FAM171B: variants seen among roughly 807,000 people sequenced by gnomAD.
FAM171B encodes family with sequence similarity 171 member B, also known as protein FAM171B.
A neutral mutation model predicts 75.6 loss-of-function variants in FAM171B; 19 were observed. The observed-to-expected ratio is 0.25, with a 90% CI of 0.18 to 0.37. The LOEUF (loss-of-function observed/expected upper bound fraction) is 0.37, where lower values mean the gene tolerates loss of function less well. Ranked by LOEUF, FAM171B falls within the 10% of genes least tolerant of loss-of-function variation. The probability of loss-of-function intolerance (pLI) is 1.00; values close to 1 mark genes in which losing one functional copy is unlikely to be tolerated. For missense variants in FAM171B, 848 were observed against 982.4 expected, an observed-to-expected ratio of 0.86 and a Z score of 1.83; for synonymous variants, 367 against 361.7, an observed-to-expected ratio of 1.01 and a Z score of -0.17.
chr2:186,762,765 A>G lies in FAM171B; in HGVS notation c.2423A>G (p.Asp808Gly). Residue 808 changes from aspartate (D) to glycine (G), a missense_variant, in exon 8 of 8, where the codon GAT (aspartate) becomes GGT (glycine). Around this residue, in one of 3 missense-constraint regions of FAM171B, gnomAD observed 136 missense variants for 159.3 expected, o/e 0.85. Transcript: ENST00000304698. This position sits in a 1 kb window ranked among gnomAD's most constrained non-coding sequence, Gnocchi z 4.0. ...RRGRPPLAKR[D>G]SKTNIWKKRE... ...GGCAGACCACCACTAGCCAAAAGAG[A>G]TAGCAAGACTAACATCTGGAAGAAG... The G allele has an allele frequency of 6.2e-7, 1 of 1,613,328 alleles. No individual in the cohort carries two copies. The highest frequency in any genetic ancestry group is 8.5e-7 in the Non-Finnish European group (1 of 1,179,554).
chr2:186,763,797 A>ATTTG lies in FAM171B; in HGVS notation c.*978_*981dup, dbSNP rs1395454123. The ATTTG allele has an allele frequency of 6.6e-6, 1 of 152,060 alleles. No homozygotes were observed. The highest frequency in any genetic ancestry group is 1.5e-5 in the Non-Finnish European group (1 of 67,966). The allele number at this position is 152,060 out of a possible 1,614,324, so 9.4% of individuals were successfully genotyped here. A position where few individuals can be genotyped will look rare whatever the true frequency, so the allele number is the denominator to read the frequency against. The stretch of plus-strand genomic sequence containing the variant: ...ATATGTGCAGATAAAATATACATTG[A>ATTTG]TTTGTTTTTCTTAAATGTTGATGAG... On this transcript the variant is annotated 3_prime_UTR_variant, in exon 8 of 8. Coordinates refer to ENST00000304698, the MANE Select transcript of FAM171B (RefSeq NM_177454.4).
At position 186,762,947 on chromosome 2, in the gene FAM171B, A is replaced by C; in HGVS notation, c.*124A>C. 8.7e-7 allele frequency: 1 copy of C among 1,155,006 alleles called. No homozygotes were observed. The allele number at this position is 1,155,006 out of a possible 1,614,324, so 71.5% of individuals were successfully genotyped here. A position where few individuals can be genotyped will look rare whatever the true frequency, so the allele number is the denominator to read the frequency against. On this transcript the variant is annotated 3_prime_UTR_variant, in exon 8 of 8. Transcript: ENST00000304698. This position sits in a 1 kb window ranked among gnomAD's most constrained non-coding sequence, Gnocchi z 4.0. The stretch of plus-strand genomic sequence containing the variant: ...CATGGTTCTTGGACATGTCTCAAGC[A>C]GAGTAAATGGTAATTCAGTAATCAG...
intron 5 of FAM171B, among the ~76,000 whole-genome samples, chr2:186,752,403 T>A (rs1038738779): frequency 6.6e-6 from 1 of 152,166 alleles, no homozygotes; most frequent in Non-Finnish European, 1.5e-5. Flanking sequence ...AATATATCTA[T>A]GTTTTAAAGA....
intron 1 of FAM171B, among the ~76,000 whole-genome samples, chr2:186,702,758 C>A (rs1456937642): frequency 6.6e-6 from 1 of 152,076 alleles, no homozygotes; most frequent in Non-Finnish European, 1.5e-5. Flanking sequence ...TGAACCAGAA[C>A]TGTAACATGC....
chr2:186,746,623 G>A (rs1456836687), intron 3 of FAM171B, among the ~76,000 whole-genome samples: 2 of 152,166 alleles, frequency 1.3e-5, no homozygotes, highest in Admixed American at 1.3e-4. Context: ...ACAACTCCTG[G>A]ATGTATACCT....
rs1332802130 is a variant in FAM171B at position 186,761,195 on chromosome 2, C to A, written c.1095C>A (p.Val365=). ...FLTAILGGTI[V]IVIGFFAVLL... ...CAGCCATATTAGGAGGAACAATAGT[C>A]ATTGTCATTGGATTTTTTGCTGTAC... The change falls in exon 7 of 8, where the codon GTC becomes GTA. Residue 365 remains valine (V), a synonymous_variant. Transcript: ENST00000304698. 1.9e-6 allele frequency: 3 copies of A among 1,612,364 alleles called. No homozygotes were observed. Among genetic ancestry groups the A allele is most frequent in the Middle Eastern group, 3.3e-4 (2 of 6,040 alleles).
chr2:186,724,259 G>T (rs941401178), intron 1 of FAM171B, among the ~76,000 whole-genome samples: 6 of 152,098 alleles, frequency 3.9e-5, no homozygotes. Context: ...GAGCAACGGG[G>T]TATGCTGTTC....
intron 1 of FAM171B, among the ~76,000 whole-genome samples, chr2:186,694,748 AACACACACACACACACACAC>A (rs57171143): frequency 3.7e-5 from 5 of 133,386 alleles, no homozygotes; most frequent in African/African-American, 5.8e-5. Flanking sequence ...GAATGACTGT[AACACACACACACACACACAC>A]ACACACACAC....
intron 6 of FAM171B, among the ~76,000 whole-genome samples, chr2:186,757,433 C>G (rs1690548640): frequency 6.6e-6 from 1 of 152,078 alleles, no homozygotes; most frequent in South Asian, 2.1e-4. Flanking sequence ...GATTATGACA[C>G]AATCCCTAAT....
chr2:186,729,132 C>T (rs1031694008), intron 1 of FAM171B, among the ~76,000 whole-genome samples: 1 of 152,108 alleles, frequency 6.6e-6, no homozygotes, highest in Non-Finnish European at 1.5e-5. Context: ...CTCCAGCAAC[C>T]TCAGGACCTA....
intron 1 of FAM171B, among the ~76,000 whole-genome samples, chr2:186,724,334 G>C (rs1043125588): frequency 6.6e-6 from 1 of 152,078 alleles, no homozygotes; most frequent in African/African-American, 2.4e-5. Context: ...TTATGCTGGG[G>C]GTCCTGTGTT....
At chr2:186,696,186 C>T (rs552500871) in intron 1 of FAM171B, among the ~76,000 whole-genome samples, 7 of 152,126 alleles carry the variant, frequency 4.6e-5, no homozygotes, top group South Asian at 4.2e-4. Context: ...CCACACTCTT[C>T]GATAGATCAA....
At chr2:186,760,253 C>G (rs528614154) in intron 6 of FAM171B, among the ~76,000 whole-genome samples, 19 of 152,198 alleles carry the variant, frequency 1.2e-4, no homozygotes, top group Admixed American at 8.5e-4. Flanking sequence ...GTTCTCATAG[C>G]AGGAGGATAG....
At position 186,729,375 on chromosome 2, in the gene FAM171B, A is replaced by G. The variant is rs563157444; in HGVS notation, c.239-10853A>G. Reference sequence around the variant, plus strand: ...TGGAGAAGGGTAGGTAGACAAAAGCACCTCCGGCTGAAAATCAGATATTTA... The same window carrying G: ...TGGAGAAGGGTAGGTAGACAAAAGCGCCTCCGGCTGAAAATCAGATATTTA... On this transcript the variant is annotated intron_variant, in intron 1 of 7. Coordinates refer to ENST00000304698, the MANE Select transcript of FAM171B (RefSeq NM_177454.4). Among the ~76,000 whole-genome samples, 128 of 152,142 alleles carry G rather than the reference A, an allele frequency of 8.4e-4. 2 individuals are homozygous for G. In the South Asian group the frequency reaches 0.026, roughly 31 times the overall value.
intron 1 of FAM171B, among the ~76,000 whole-genome samples, chr2:186,737,275 A>G (rs550810495): frequency 6.6e-6 from 1 of 152,356 alleles, no homozygotes; most frequent in African/African-American, 2.4e-5. Flanking sequence ...CGTTATCAAG[A>G]TCTGTACTTA....
At chr2:186,755,633 A>G (rs1052902436) in intron 6 of FAM171B, among the ~76,000 whole-genome samples, 2 of 152,126 alleles carry the variant, frequency 1.3e-5, no homozygotes, top group African/African-American at 4.8e-5. Context: ...TTTGAAGGCT[A>G]TCAGTTTTCT....
chr2:186,736,433 C>G (rs1309762462), intron 1 of FAM171B, among the ~76,000 whole-genome samples: 1 of 151,830 alleles, frequency 6.6e-6, no homozygotes, highest in African/African-American at 2.4e-5. Flanking sequence ...TAGAATAACG[C>G]ACTTAAAAAC....
At chr2:186,760,279 C>T (rs1364615494) in intron 6 of FAM171B, among the ~76,000 whole-genome samples, 2 of 152,112 alleles carry the variant, frequency 1.3e-5, no homozygotes. Flanking sequence ...CAGTTGTGCT[C>T]TGTTCACTCT....
chr2:186,723,896 GATTA>G (rs1313277310), intron 1 of FAM171B, among the ~76,000 whole-genome samples: 1 of 152,124 alleles, frequency 6.6e-6, no homozygotes, highest in Non-Finnish European at 1.5e-5. Flanking sequence ...TAAAAGTAAG[GATTA>G]ATTCTTTCAT....
Sources: allele counts gnomAD v4.1 joint callset (sites outside exome capture counted in the v4.1 genomes callset), GRCh38; gene constraint gnomAD v4.1.1; regional missense constraint gnomAD v4.1.1; non-coding constraint Gnocchi (gnomAD v3.1); transcripts MANE v1.5; gene names NCBI Gene and HGNC (gene_info 2026-07-23, HGNC 2026-07-21).